The following PLCH2 variants were observed in gnomAD, a reference collection of about 807,000 sequenced individuals.
PLCH2 encodes 1-phosphatidylinositol 4,5-bisphosphate phosphodiesterase eta-2.
A neutral mutation model predicts 134.7 loss-of-function variants in PLCH2; 98 were observed. The observed-to-expected ratio is 0.73, with a 90% confidence interval of 0.62 to 0.86. The LOEUF is 0.86. Ranked by LOEUF, PLCH2 falls within the 40% of genes least tolerant of loss-of-function variation. The pLI, the probability that PLCH2 is intolerant of heterozygous loss-of-function variation, is 0.00. For synonymous variants in PLCH2, 974 were observed against 827.5 expected (o/e 1.18, Z -3.04); for missense variants, 1,994 against 1,986.6 (o/e 1.00, Z -0.07).
At chr1:2,476,762 G>GTGAC (rs1472037228) in intron 1 of PLCH2, 50 bp downstream of exon 1, 3 of 1,528,646 alleles carry the variant, frequency 2.0e-6, no homozygotes, top group Non-Finnish European at 2.6e-6. Context: ...CCCTGGCCAG[G>GTGAC]TGACTGGTGG....
At chr1:2,446,477 C>T (rs1174063912) in intron 2 of PLCH2, among the ~76,000 whole-genome samples, 1 of 152,198 alleles carries the variant, frequency 6.6e-6, no homozygotes, top group African/African-American at 2.4e-5. Flanking sequence ...GCCCCTCCCT[C>T]CCCCCAGCTG....
At chr1:2,425,627 C>T (rs1397368492), upstream of PLCH2, among the ~76,000 whole-genome samples, 5 of 151,960 alleles carry the variant, frequency 3.3e-5, no homozygotes, top group East Asian at 9.6e-4. Flanking sequence ...GATTCTCCTG[C>T]CTCAGACCCC....
At chr1:2,481,056 A>G (rs1570414730) in intron 4 of PLCH2, among the ~76,000 whole-genome samples, 1 of 152,150 alleles carries the variant, frequency 6.6e-6, no homozygotes, top group African/African-American at 2.4e-5. Context: ...ATACACGCAC[A>G]CACGTGCACA....
In PLCH2 at chr1:2,502,128, G is replaced by A. The variant is rs1643257774; in HGVS notation, c.2678G>A (p.Gly893Asp). 6.9e-7 allele frequency: 1 copy of A among 1,457,670 alleles called. No individual in the cohort carries two copies. Among genetic ancestry groups the A allele is most frequent in the Non-Finnish European group, 9.0e-7 (1 of 1,108,668 alleles). 90.3% of individuals were successfully genotyped at this position (1,457,670 alleles called of 1,614,324 possible). A position where few individuals can be genotyped will look rare whatever the true frequency, so the allele number is the denominator to read the frequency against. The change falls in exon 21 of 22, where the codon GGC becomes GAC. Residue 893 changes from glycine to aspartate, a missense_variant. This residue lies in a region of PLCH2 where 1,094 missense variants were observed against 1,234.3 expected (regional missense o/e 0.89). Coordinates refer to ENST00000378486, the MANE Select transcript of PLCH2 (RefSeq NM_014638.4). ...CTCTTGCAGGTCAAGCAGGCTCTGGGCCTAAAAGGCCTCTTCCTCCGAGGC... is the reference window on the plus strand; with the variant it reads ...CTCTTGCAGGTCAAGCAGGCTCTGGACCTAAAAGGCCTCTTCCTCCGAGGC... Reference protein sequence around the residue: ...DISGKVKQALGLKGLFLRGPK... With the variant: ...DISGKVKQALDLKGLFLRGPK...
intron 1 of PLCH2, chr1:2,426,044 TTCA>T (rs1350604612): frequency 6.6e-6 from 1 of 152,230 alleles, no homozygotes; most frequent in Non-Finnish European, 1.5e-5. Context: ...TTTGGTACAG[TTCA>T]TCATTTGTGC....
At chr1:2,455,029 AC>A (rs1237079038) in intron 2 of PLCH2, among the ~76,000 whole-genome samples, 3 of 151,784 alleles carry the variant, frequency 2.0e-5, no homozygotes, top group Non-Finnish European at 4.4e-5. Context: ...CTGTGCTCTG[AC>A]CCCCACCTGC....
upstream of PLCH2, among the ~76,000 whole-genome samples, chr1:2,472,065 C>G (rs1268265216): frequency 1.3e-5 from 2 of 152,162 alleles, no homozygotes; most frequent in East Asian, 3.9e-4. Flanking sequence ...TGGGACCCCT[C>G]AGGCCCAGCC....
In PLCH2 at chr1:2,504,320, G is replaced by C; in HGVS notation, c.3358G>C (p.Val1120Leu). ...GGCCGCTCCCTTTCCAGCTCCTGCC[G>C]TGTACTCCGATGCCACGGGCAGTGA... ...PLAAPFPAPA[V>L]YSDATGSDPL... Residue 1120 changes from valine (V) to leucine (L), a missense_variant, in exon 22 of 22, where the codon GTG becomes CTG. By Grantham distance (32) the Val-to-Leu change is conservative. Coordinates refer to ENST00000378486, the MANE Select transcript of PLCH2 (RefSeq NM_014638.4). 6.2e-7 allele frequency: 1 copy of C among 1,608,634 alleles called. No individual in the cohort carries two copies.
In PLCH2 at chr1:2,504,854, A is replaced by G. The variant is rs746546612; in HGVS notation, c.3892A>G (p.Thr1298Ala). 3.1e-6 allele frequency: 5 copies of G among 1,601,030 alleles called. No individual in the cohort carries two copies. The South Asian group carries it at 5.5e-5, about 18-fold the overall frequency. The change falls in exon 22 of 22, where the codon ACC becomes GCC. Residue 1298 changes from threonine (T) to alanine (A), a missense_variant. Thr to Ala is a moderately conservative substitution (Grantham distance 58). Around this residue, in one of 2 missense-constraint regions of PLCH2, gnomAD observed 900 missense variants for 752.3 expected, o/e 1.20. Coordinates refer to ENST00000378486, the MANE Select transcript of PLCH2 (RefSeq NM_014638.4). Reference protein sequence around the residue: ...RVSGPGVRRDTLTEQLRWLTV... With the variant: ...RVSGPGVRRDALTEQLRWLTV... ...GTCGGGGCCAGGGGTGAGACGGGACACCCTGACAGAGCAGCTGCGCTGGCT... is the reference window on the plus strand; with the variant it reads ...GTCGGGGCCAGGGGTGAGACGGGACGCCCTGACAGAGCAGCTGCGCTGGCT...
In PLCH2 at chr1:2,499,096, C is replaced by T. The variant is rs750002042; in HGVS notation, c.2447C>T (p.Thr816Ile). The part of the protein sequence containing the change: ...RVVDDNGFNP[T>I]WEETLVFMVH... ...GCTGCTTCCCCAGGGTTCAACCCCA[C>T]CTGGGAGGAGACCCTGGTTTTCATG... The change falls in exon 19 of 22, where the codon ACC (threonine) becomes ATC (isoleucine). Residue 816 changes from threonine (T) to isoleucine (I), a missense_variant. By Grantham distance (89) the Thr-to-Ile change is moderately conservative. Around this residue, in one of 2 missense-constraint regions of PLCH2, gnomAD observed 1,094 missense variants for 1,234.3 expected, o/e 0.89. Transcript: ENST00000378486. 1 of 1,610,544 alleles carries T rather than the reference C, an allele frequency of 6.2e-7. No homozygotes were observed. Among genetic ancestry groups the T allele is most frequent in the Non-Finnish European group, 8.5e-7 (1 of 1,178,870 alleles).
In PLCH2 at chr1:2,496,941, C is replaced by G; in HGVS notation, c.2047C>G (p.Pro683Ala). 1 of 1,613,360 alleles carries G rather than the reference C, an allele frequency of 6.2e-7. No homozygotes were observed. Among genetic ancestry groups the G allele is most frequent in the Non-Finnish European group, 8.5e-7 (1 of 1,179,848 alleles). ...CCAGCAGCAGCTCTCCCGCATCTAC[C>G]CCTCCTCCTACCGTGTGGACTCCAG... is the stretch of plus-strand genomic sequence containing the variant. ...FNQQQLSRIY[P>A]SSYRVDSSNY... The change falls in exon 15 of 22, where the codon CCC becomes GCC. Residue 683 changes from proline (P) to alanine (A), a missense_variant. Pro to Ala is a conservative substitution (Grantham distance 27, BLOSUM62 -1). Coordinates refer to ENST00000378486, the MANE Select transcript of PLCH2 (RefSeq NM_014638.4).
At chr1:2,437,844 C>T (rs1057274153) in intron 2 of PLCH2, among the ~76,000 whole-genome samples, 12 of 152,194 alleles carry the variant, frequency 7.9e-5, no homozygotes, top group Admixed American at 2.0e-4. Flanking sequence ...CCAAACCACA[C>T]ACGTGCACAC....
At chr1:2,503,293 G>A (rs909607318) in intron 21 of PLCH2, 7 of 565,236 alleles carry the variant, frequency 1.2e-5, no homozygotes, top group Non-Finnish European at 2.2e-5. Flanking sequence ...CCTTTCCTGG[G>A]ACTGGGGGCC....
At chr1:2,485,632 C>G (rs1205978212) in intron 5 of PLCH2, among the ~76,000 whole-genome samples, 1 of 151,458 alleles carries the variant, frequency 6.6e-6, no homozygotes, top group Non-Finnish European at 1.5e-5. Context: ...ACTCTACTGG[C>G]CTCAGCCTGG....
At chr1:2,497,978 G>C (rs1454120934) in intron 16 of PLCH2, 1 of 275,888 alleles carries the variant, frequency 3.6e-6, no homozygotes, top group Non-Finnish European at 6.9e-6. Flanking sequence ...CTGGGTGTTT[G>C]GAGGAACCTC....
chr1:2,489,524 C>T, intron 9 of PLCH2, 146 bp downstream of exon 9: 6 of 840,494 alleles, frequency 7.1e-6, no homozygotes, highest in Middle Eastern at 6.9e-4. Flanking sequence ...ACCTGGCCTC[C>T]ATCTCCCCAT....
intron 2 of PLCH2, among the ~76,000 whole-genome samples, chr1:2,458,695 G>A (rs1376345045): frequency 2.0e-5 from 3 of 152,116 alleles, no homozygotes; most frequent in East Asian, 3.9e-4. Context: ...CCTCAGGGAC[G>A]CTCCCGCCCA....
intron 2 of PLCH2, among the ~76,000 whole-genome samples, chr1:2,431,445 G>C (rs1212662618): frequency 6.6e-6 from 1 of 152,184 alleles, no homozygotes; most frequent in East Asian, 1.9e-4. Context: ...CCATCTGAGG[G>C]TGGAGCTGCG....
intron 21 of PLCH2, chr1:2,502,773 G>GC (rs780165786): frequency 4.3e-5 from 31 of 716,772 alleles, no homozygotes; most frequent in Non-Finnish European, 7.3e-5. Context: ...AGCCCAGACA[G>GC]CCCGGGCATC....
Sources: gnomAD v4.1 joint callset for allele counts (sites outside exome capture counted in the v4.1 genomes callset) on GRCh38, gnomAD v4.1.1 for gene constraint, gnomAD v4.1.1 regional missense constraint, MANE v1.5 for transcripts, NCBI Gene and HGNC (gene_info 2026-07-23, HGNC 2026-07-21) for gene names.